Variants in GPLD1 observed in about 807,000 individuals in gnomAD.
GPLD1 encodes glycosylphosphatidylinositol specific phospholipase D1.
GPLD1 carries 84 observed loss-of-function variants against 112.6 expected under a neutral mutation model. The observed-to-expected ratio is 0.75, with a 90% CI of 0.63 to 0.89. The LOEUF is 0.89. GPLD1 is among the 40% of genes least tolerant of loss of function. The pLI is 0.00. For missense variants in GPLD1, 1,044 were observed against 1,051.5 expected (o/e 0.99, Z 0.10); for synonymous variants, 386 against 403.8 (o/e 0.96, Z 0.53).
At chr6:24,479,787 A>AT (rs1218773876) in intron 3 of GPLD1, 94 bp downstream of exon 3, 22 of 665,012 alleles carry the variant, frequency 3.3e-5, no homozygotes, top group Non-Finnish European at 5.3e-5. Flanking sequence ...TTAAAAATAT[A>AT]TTGTACACAC....
intron 14 of GPLD1, among the ~76,000 whole-genome samples, chr6:24,450,675 GA>G (rs1763052063): frequency 6.6e-6 from 1 of 152,068 alleles, no homozygotes; most frequent in East Asian, 1.9e-4. Flanking sequence ...ACATTAAATA[GA>G]ATCAAAAATT....
At chr6:24,459,724 C>T (rs1256740174) in intron 12 of GPLD1, among the ~76,000 whole-genome samples, 1 of 152,244 alleles carries the variant, frequency 6.6e-6, no homozygotes, top group Non-Finnish European at 1.5e-5. Flanking sequence ...CACTTAACAG[C>T]TAACTTCATT....
chr6:24,454,271 T>C (rs1763195840), intron 13 of GPLD1, 70 bp from the exon 14 acceptor site: 1 of 1,120,504 alleles, frequency 8.9e-7, no homozygotes, highest in East Asian at 2.7e-5. Flanking sequence ...CCTGCTTCTT[T>C]CCTTTCTAGA....
chr6:24,494,265 G>T (rs1764630791), upstream of GPLD1, among the ~76,000 whole-genome samples: 1 of 152,184 alleles, frequency 6.6e-6, no homozygotes, highest in Non-Finnish European at 1.5e-5. Flanking sequence ...GGTAGATATG[G>T]TTCTATTTTA....
chr6:24,493,878 A>T (rs981295110), upstream of GPLD1, among the ~76,000 whole-genome samples: 3 of 152,336 alleles, frequency 2.0e-5, no homozygotes, highest in Non-Finnish European at 2.9e-5. Context: ...AGAAAGGGAG[A>T]TATGTAACCT....
chr6:24,437,202 G>T lies in GPLD1; in HGVS notation c.2108C>A (p.Pro703His), dbSNP rs759936572. Residue 703 changes from proline to histidine, a missense_variant, in exon 21 of 25, where the codon CCT (proline) becomes CAT (histidine). By Grantham distance (77) the Pro-to-His change is moderately conservative. Coordinates refer to ENST00000230036, the MANE Select transcript of GPLD1 (RefSeq NM_001503.4). The stretch of plus-strand genomic sequence containing the variant: ...TCCGCTGAAGGTGCTGAGCAGCAGA[G>T]GCTGCGCGTCAGATGTGAGTGCGTA... ...RMYALTSDAQ[P>H]LLLSTFSGDR... is the part of the protein sequence containing the mutation. 3 of 1,613,992 alleles carry T rather than the reference G, an allele frequency of 1.9e-6. No homozygotes were observed. The East Asian group carries it at 6.7e-5, about 36-fold the overall frequency.
intron 2 of GPLD1, among the ~76,000 whole-genome samples, chr6:24,483,662 A>G (rs1764275656): frequency 6.6e-6 from 1 of 151,824 alleles, no homozygotes; most frequent in Non-Finnish European, 1.5e-5. Context: ...GTGAGACTCC[A>G]TCTCAGCATT....
chr6:24,464,624 A>T (rs1763538770), intron 10 of GPLD1, among the ~76,000 whole-genome samples: 1 of 152,228 alleles, frequency 6.6e-6, no homozygotes, highest in Non-Finnish European at 1.5e-5. Flanking sequence ...AGGGTAAAGG[A>T]ATATCACCCA....
At chr6:24,460,915 G>C (rs1763413114) in intron 11 of GPLD1, among the ~76,000 whole-genome samples, 1 of 151,760 alleles carries the variant, frequency 6.6e-6, no homozygotes, top group South Asian at 2.1e-4. Context: ...TGATTTTTTT[G>C]TATTTTTAGT....
intron 22 of GPLD1, chr6:24,435,820 G>A (rs368436447): frequency 2.5e-5 from 1 of 39,544 alleles, no homozygotes; most frequent in Admixed American, 3.6e-4. Context: ...GCCAGACGCT[G>A]TCTCAAAAAA....
intron 14 of GPLD1, among the ~76,000 whole-genome samples, chr6:24,453,072 G>A (rs1763144375): frequency 6.6e-6 from 1 of 151,954 alleles, no homozygotes; most frequent in Non-Finnish European, 1.5e-5. Flanking sequence ...AAACTTTCCA[G>A]GACCCTAGCG....
chr6:24,479,183 C>G (rs1442084489), intron 3 of GPLD1, among the ~76,000 whole-genome samples: 1 of 152,098 alleles, frequency 6.6e-6, no homozygotes, highest in African/African-American at 2.4e-5. Context: ...ATAACCTCCC[C>G]TCCAACTAGA....
chr6:24,493,231 T>A (rs1232173780), upstream of GPLD1, among the ~76,000 whole-genome samples: 1 of 152,170 alleles, frequency 6.6e-6, no homozygotes, highest in African/African-American at 2.4e-5. Context: ...ATCCCAGCAC[T>A]TTGGGAGGCC....
chr6:24,446,729 A>G (rs1762921465), intron 18 of GPLD1, 109 bp downstream of exon 18: 2 of 1,078,306 alleles, frequency 1.9e-6, no homozygotes, highest in Non-Finnish European at 2.6e-6. Context: ...TTCCTTCAAA[A>G]GTCAAGCATT....
rs1003997487 is a variant in GPLD1, at chr6:24,480,687, T to C, written c.154-728A>G. Among the ~76,000 whole-genome samples, 51 of 152,194 alleles carry C rather than the reference T, an allele frequency of 3.4e-4. 1 individual carries two copies. Among genetic ancestry groups the C allele is most frequent in the Non-Finnish European group, 3.8e-4 (26 of 68,046 alleles). ...AAAAGTGCTTTCCCTTTTTAAATGA[T>C]GTGAAAGTAGATGGTAGCGGTTTTC... On this transcript the variant is annotated intron_variant, in intron 2 of 24. Transcript: ENST00000230036.
In GPLD1 at chr6:24,436,673, T is replaced by C. The variant is rs200438724; in HGVS notation, c.2261A>G (p.Glu754Gly). 411 of 1,614,028 alleles carry C rather than the reference T, an allele frequency of 2.5e-4. No individual in the cohort carries two copies. In the East Asian group the frequency reaches 5.9e-3, roughly 23 times the overall value. ...ATTATATACATATACTCGGCCGTCT[T>C]CTCCCCCAATCAGTCCAGAGGTTAC... ...ADVTSGLIGG[E>G]DGRVYVYNGK... The change falls in exon 22 of 25, where the codon GAA (glutamate) becomes GGA (glycine). Residue 754 changes from glutamate (E) to glycine (G), a missense_variant. By Grantham distance (98) the Glu-to-Gly change is moderately conservative. Coordinates refer to ENST00000230036, the MANE Select transcript of GPLD1 (RefSeq NM_001503.4).
intron 13 of GPLD1, among the ~76,000 whole-genome samples, chr6:24,455,235 G>T (rs1056328974): frequency 5.3e-5 from 8 of 152,266 alleles, no homozygotes; most frequent in Non-Finnish European, 1.0e-4. Flanking sequence ...GGATGCCCCT[G>T]TGGCTGGCTG....
chr6:24,439,339 A>G (rs1365722369), intron 20 of GPLD1, among the ~76,000 whole-genome samples: 3 of 152,180 alleles, frequency 2.0e-5, no homozygotes, highest in Non-Finnish European at 2.9e-5. Context: ...AGGGCTGCCC[A>G]TTGAGACTGT....
chr6:24,494,139 CCCAA>C (rs950049215), upstream of GPLD1, among the ~76,000 whole-genome samples: 2 of 152,128 alleles, frequency 1.3e-5, no homozygotes, highest in Admixed American at 6.5e-5. Flanking sequence ...TAGTTGGTGA[CCCAA>C]CTTTAATCTT....
Sources: gnomAD v4.1 joint callset for allele counts (sites outside exome capture counted in the v4.1 genomes callset) on GRCh38, gnomAD v4.1.1 for gene constraint, MANE v1.5 for transcripts, NCBI Gene and HGNC (gene_info 2026-07-23, HGNC 2026-07-21) for gene names.